The following ANXA6 variants were observed in gnomAD, a reference collection of about 807,000 sequenced individuals.
ANXA6 encodes annexin A6.
ANXA6 carries 71 observed loss-of-function variants against 95.4 expected under a neutral mutation model. That is an observed-to-expected ratio of 0.74 (90% CI 0.61 to 0.91). ANXA6 has a LOEUF of 0.91. Ranked by LOEUF, ANXA6 falls within the 40% of genes least tolerant of loss-of-function variation. ANXA6 has a pLI of 0.00. For missense variants in ANXA6, 830 were observed against 876.4 expected (o/e 0.95, Z 0.67); for synonymous variants, 289 against 315.9 (o/e 0.91, Z 0.90).
Position 151,109,761 on chromosome 5 carries a change from AGGTGCGGATAGCTCCG to A in ANXA6, c.1660_1675del (p.Arg554SerfsTer11). On this transcript the variant is annotated frameshift_variant, in exon 22 of 26. Coordinates refer to ENST00000354546, the MANE Select transcript of ANXA6 (RefSeq NM_001155.5). LOFTEE classifies it high-confidence loss of function. ...AGGAGGTCAGGCCTCACCTCTCCGG[AGGTGCGGATAGCTCCG>A]GGTACACAGGATCGTCATGAAACGT... 2 of 1,609,158 alleles carry A rather than the reference AGGTGCGGATAGCTCCG, an allele frequency of 1.2e-6. No homozygotes were observed. The highest frequency in any genetic ancestry group is 2.7e-5 in the African/African-American group (2 of 74,884).
intron 10 of ANXA6, among the ~76,000 whole-genome samples, chr5:151,132,109 C>T (rs2113932176): frequency 6.6e-6 from 1 of 152,302 alleles, no homozygotes; most frequent in South Asian, 2.1e-4. Context: ...GAGATCATGG[C>T]AGTGGCCACT....
chr5:151,140,297 C>T, intron 2 of ANXA6, 54 bp from the exon 3 acceptor site: 1 of 1,510,310 alleles, frequency 6.6e-7, no homozygotes, highest in Non-Finnish European at 9.1e-7. Flanking sequence ...AGACCAAGCT[C>T]CCAGCCCCAA....
chr5:151,122,477 A>T (rs1439222037), intron 16 of ANXA6, among the ~76,000 whole-genome samples: 1 of 152,226 alleles, frequency 6.6e-6, no homozygotes, highest in African/African-American at 2.4e-5. Flanking sequence ...CACAGGAGAC[A>T]GGAACGGGAA....
intron 1 of ANXA6, among the ~76,000 whole-genome samples, chr5:151,152,245 G>A (rs1467683804): frequency 6.6e-6 from 1 of 152,234 alleles, no homozygotes; most frequent in Admixed American, 6.5e-5. Flanking sequence ...AGAAATAAAT[G>A]AAGTAACGGG....
intron 1 of ANXA6, among the ~76,000 whole-genome samples, chr5:151,157,354 C>T (rs1232181851): frequency 1.3e-5 from 2 of 152,194 alleles, no homozygotes; most frequent in African/African-American, 2.4e-5. Context: ...TGAGCCCCCC[C>T]AAATTAAGGC....
At chr5:151,131,349 G>T in intron 10 of ANXA6, 60 bp from the exon 11 acceptor site, 2 of 1,539,454 alleles carry the variant, frequency 1.3e-6, no homozygotes, top group Middle Eastern at 1.7e-4. Flanking sequence ...GGATGGGATG[G>T]CCTGACTCCC....
rs749102129 is a variant in ANXA6, at chr5:151,132,526, C to T, written c.686G>A (p.Ser229Asn). 3 of 1,613,542 alleles carry T rather than the reference C, an allele frequency of 1.9e-6. No individual in the cohort carries two copies. Among genetic ancestry groups the T allele is most frequent in the East Asian group, 4.5e-5 (2 of 44,856 alleles). ...LKTTGKPIEA[S>N]IRGELSGDFE... ...GTCCCCAGACAGCTCCCCTCGGATG[C>T]TGGCTTCAATCGGCTTCCCTGTGGT... Residue 229 changes from serine (S) to asparagine (N), a missense_variant, in exon 10 of 26, where the codon AGC becomes AAC. Ser to Asn is a conservative substitution (Grantham distance 46). Coordinates refer to ENST00000354546, the MANE Select transcript of ANXA6 (RefSeq NM_001155.5).
intron 12 of ANXA6, chr5:151,128,501 T>C (rs1279685313): frequency 2.2e-6 from 1 of 445,408 alleles, no homozygotes; most frequent in Non-Finnish European, 4.2e-6. Flanking sequence ...CAATATGACT[T>C]TGCTACCAAT....
intron 17 of ANXA6, 64 bp downstream of exon 17, chr5:151,122,083 A>C (rs1765182500): frequency 9.7e-7 from 1 of 1,029,350 alleles, no homozygotes. Flanking sequence ...ACCTGGGCTT[A>C]TGAGGATCAC....
At chr5:151,130,404 C>T (rs1015811605) in intron 11 of ANXA6, among the ~76,000 whole-genome samples, 59 of 152,074 alleles carry the variant, frequency 3.9e-4, no homozygotes, top group African/African-American at 1.4e-3. Flanking sequence ...GTATGTGCCA[C>T]AGTCCCTGGC....
rs550907524 is a variant in ANXA6, at chr5:151,124,326, G to T, written c.1098C>A (p.Asp366Glu). 4 of 1,613,340 alleles carry T rather than the reference G, an allele frequency of 2.5e-6. No homozygotes were observed. The highest frequency in any genetic ancestry group is 1.1e-5 in the South Asian group (1 of 90,870). Residue 366 changes from aspartate (D) to glutamate (E), a missense_variant, in exon 15 of 26, where the codon GAC becomes GAA. Transcript: ENST00000354546. Reference sequence around the variant, plus strand: ...CTTTCCGCAGCGCTTTGGCATCTGCGTCAGGGTTGAAGTCATTGGCTGGGC... The same window carrying T: ...CTTTCCGCAGCGCTTTGGCATCTGCTTCAGGGTTGAAGTCATTGGCTGGGC... Reference protein sequence around the residue: ...TVRPANDFNPDADAKALRKAM... With the variant: ...TVRPANDFNPEADAKALRKAM...
intron 20 of ANXA6, among the ~76,000 whole-genome samples, chr5:151,112,174 A>T (rs1324923731): frequency 6.6e-6 from 1 of 152,194 alleles, no homozygotes; most frequent in Non-Finnish European, 1.5e-5. Flanking sequence ...CAATGGAAAC[A>T]ATCCATGCAG....
At chr5:151,150,546 G>A (rs1287907127) in intron 1 of ANXA6, among the ~76,000 whole-genome samples, 4 of 152,232 alleles carry the variant, frequency 2.6e-5, no homozygotes, top group African/African-American at 7.2e-5. Context: ...GCTGCAGTCA[G>A]CTGAGGACAG....
At chr5:151,104,812 T>C (rs1196875554) in intron 24 of ANXA6, among the ~76,000 whole-genome samples, 1 of 152,130 alleles carries the variant, frequency 6.6e-6, no homozygotes, top group South Asian at 2.1e-4. Flanking sequence ...TGTCCCCGGA[T>C]AGATTGTGAG....
intron 25 of ANXA6, among the ~76,000 whole-genome samples, chr5:151,101,908 C>A (rs745460413): frequency 5.3e-5 from 8 of 152,238 alleles, no homozygotes; most frequent in Non-Finnish European, 8.8e-5. Context: ...CACTCTCTTG[C>A]GTCAGGAGGC....
At chr5:151,116,946 G>C (rs1265621224) in intron 20 of ANXA6, among the ~76,000 whole-genome samples, 181 bp downstream of exon 20, 1 of 152,222 alleles carries the variant, frequency 6.6e-6, no homozygotes, top group Non-Finnish European at 1.5e-5. Flanking sequence ...GGAAATGCCA[G>C]TAATACCAGC....
intron 4 of ANXA6, 167 bp downstream of exon 4, chr5:151,139,186 A>G: frequency 3.3e-6 from 2 of 605,964 alleles, no homozygotes; most frequent in Non-Finnish European, 5.8e-6. Flanking sequence ...TGGGTGTATT[A>G]AAGGCTGAAA....
chr5:151,125,360 A>AT (rs1765288840), intron 14 of ANXA6, among the ~76,000 whole-genome samples: 1 of 149,168 alleles, frequency 6.7e-6, no homozygotes. Flanking sequence ...AAAAAAAAAA[A>AT]GGAATGGATG....
intron 21 of ANXA6, 34 bp downstream of exon 21, chr5:151,110,593 C>A (rs749179375): frequency 6.2e-7 from 1 of 1,611,598 alleles, no homozygotes. Context: ...TACTCAGAGG[C>A]CGTTAAAACC....
Sources: gnomAD v4.1 joint callset for allele counts (sites outside exome capture counted in the v4.1 genomes callset) on GRCh38, gnomAD v4.1.1 for gene constraint, MANE v1.5 for transcripts, NCBI Gene and HGNC (gene_info 2026-07-23, HGNC 2026-07-21) for gene names.